The following SLC71A2 variants were observed in gnomAD, a reference collection of about 807,000 sequenced individuals.
SLC71A2 encodes solute carrier family 71 member 2.
At chr9:94,455,445 G>A in the SLC71A2 span, among the ~76,000 whole-genome samples, 1 of 136,710 alleles carries the variant, frequency 7.3e-6, no homozygotes, top group Non-Finnish European at 1.5e-5. Context: ...GAACTCCTGG[G>A]CCCAAGCAAT....
the SLC71A2 span, among the ~76,000 whole-genome samples, chr9:94,384,443 G>A: frequency 6.6e-6 from 1 of 151,140 alleles, no homozygotes; most frequent in Non-Finnish European, 1.5e-5. Flanking sequence ...AGGCTCAGGC[G>A]ATCCTCCCAC....
chr9:94,421,012 G>C, the SLC71A2 span, among the ~76,000 whole-genome samples: 1 of 152,028 alleles, frequency 6.6e-6, no homozygotes, highest in East Asian at 1.9e-4. Flanking sequence ...TGGACTAGCT[G>C]ATATCTCAAT....
chr9:94,394,006 T>C, the SLC71A2 span, among the ~76,000 whole-genome samples: 3 of 139,846 alleles, frequency 2.1e-5, no homozygotes, highest in East Asian at 2.1e-4. Context: ...TTCACTCTTA[T>C]AGAATGTTGG....
At chr9:94,399,880 A>C in the SLC71A2 span, among the ~76,000 whole-genome samples, 1 of 149,540 alleles carries the variant, frequency 6.7e-6, no homozygotes, top group South Asian at 2.1e-4. Context: ...ATCTCGGCTC[A>C]CTACAACCTC....
chr9:94,425,233 G>A, the SLC71A2 span, among the ~76,000 whole-genome samples: 1 of 152,116 alleles, frequency 6.6e-6, no homozygotes, highest in Non-Finnish European at 1.5e-5. Context: ...GAACCCGGGA[G>A]GTGGAGGTTG....
chr9:94,390,901 CCTTT>C, the SLC71A2 span, among the ~76,000 whole-genome samples: 1 of 151,896 alleles, frequency 6.6e-6, no homozygotes, highest in Non-Finnish European at 1.5e-5. Flanking sequence ...CTTATTACTT[CCTTT>C]CTTCACAAGT....
the SLC71A2 span, among the ~76,000 whole-genome samples, chr9:94,445,628 C>G: frequency 2.0e-5 from 3 of 152,018 alleles, no homozygotes; most frequent in East Asian, 3.9e-4. Flanking sequence ...TAATATGTCT[C>G]TCTCTCCCTC....
chr9:94,420,661 G>A, the SLC71A2 span, among the ~76,000 whole-genome samples: 1 of 151,728 alleles, frequency 6.6e-6, no homozygotes, highest in African/African-American at 2.4e-5. Context: ...AGTACTTTGG[G>A]AGGCTGAGGT....
the SLC71A2 span, among the ~76,000 whole-genome samples, chr9:94,410,210 C>G: frequency 6.6e-6 from 1 of 151,750 alleles, no homozygotes; most frequent in Non-Finnish European, 1.5e-5. Flanking sequence ...ATCTTCCTGC[C>G]TCAGTCTCCT....
At chr9:94,430,868 T>G in the SLC71A2 span, among the ~76,000 whole-genome samples, 1 of 152,184 alleles carries the variant, frequency 6.6e-6, no homozygotes, top group Non-Finnish European at 1.5e-5. Flanking sequence ...TTTTTCTAAA[T>G]AGGAAAAGAG....
chr9:94,459,552 A>C, the SLC71A2 span: 1 of 720,290 alleles, frequency 1.4e-6, no homozygotes. Context: ...CACCGCCATC[A>C]TTCTGCTCAT....
chr9:94,379,089 C>CTTTTTTTTTTTTTTTTTT, the SLC71A2 span, among the ~76,000 whole-genome samples: 132 of 83,990 alleles, frequency 1.6e-3, 4 homozygotes, highest in African/African-American at 5.3e-3. Context: ...TGTGCATTTC[C>CTTTTTTTTTTTTTTTTTT]TTTTTTTTTT....
the SLC71A2 span, chr9:94,446,953 T>A: frequency 8.3e-7 from 1 of 1,210,130 alleles, no homozygotes; most frequent in Non-Finnish European, 1.2e-6. Flanking sequence ...AGTGAGTGGC[T>A]AGTAGCCTTT....
chr9:94,447,018 ACTGC>A, the SLC71A2 span: 1 of 734,292 alleles, frequency 1.4e-6, no homozygotes, highest in South Asian at 1.7e-5. Context: ...TGAGGAAACC[ACTGC>A]AGAGGAAAAA....
At chr9:94,401,396 ACTC>A in the SLC71A2 span, among the ~76,000 whole-genome samples, 18 of 150,434 alleles carry the variant, frequency 1.2e-4, no homozygotes, top group African/African-American at 4.2e-4. Context: ...CTGGTCTTGA[ACTC>A]CTGACCTCAG....
the SLC71A2 span, among the ~76,000 whole-genome samples, chr9:94,442,845 CA>C: frequency 5.6e-4 from 78 of 140,114 alleles, no homozygotes; most frequent in East Asian, 1.4e-3. Flanking sequence ...AGACCCGCCT[CA>C]AAAAAAAAAA....
chr9:94,416,531 T>C, the SLC71A2 span, among the ~76,000 whole-genome samples: 1 of 152,220 alleles, frequency 6.6e-6, no homozygotes, highest in African/African-American at 2.4e-5. Context: ...GTGAACCTTT[T>C]AAAGTTTTTA....
chr9:94,459,242 G>T, the SLC71A2 span: 1 of 1,614,098 alleles, frequency 6.2e-7, no homozygotes, highest in South Asian at 1.1e-5. Flanking sequence ...ATTCATTCCT[G>T]AATACAGTAA....
At chr9:94,460,987 A>T in the SLC71A2 span, 1 of 152,108 alleles carries the variant, frequency 6.6e-6, no homozygotes, top group Non-Finnish European at 1.5e-5. Context: ...GTGGCTTTCA[A>T]TTAAACTGAG....
Sources: gnomAD v4.1 joint callset for allele counts (sites outside exome capture counted in the v4.1 genomes callset) on GRCh38, gnomAD v4.1.1 for gene constraint, MANE v1.5 for transcripts, NCBI Gene and HGNC (gene_info 2026-07-23, HGNC 2026-07-21) for gene names.